The following PARD3B variants were observed in gnomAD, a reference collection of about 807,000 sequenced individuals.
The protein encoded by PARD3B is partitioning defective 3 homolog B.
A neutral mutation model predicts 130.2 loss-of-function variants in PARD3B; 103 were observed. That is an observed-to-expected ratio of 0.79 (90% CI 0.67 to 0.93). The LOEUF (loss-of-function observed/expected upper bound fraction) is 0.93. PARD3B is among the 40% of genes least tolerant of loss of function. The probability of loss-of-function intolerance (pLI) is 0.00; values close to 1 mark genes in which losing one functional copy is unlikely to be tolerated. For missense variants in PARD3B, 1,609 were observed against 1,499.2 expected (o/e 1.07, Z -1.21); for synonymous variants, 583 against 553.2 (o/e 1.05, Z -0.76).
rs1275460914 is a variant in PARD3B, at chr2:204,899,208, T to TTCCCTCCCC, written c.223-65940_223-65932dup. ...TTCTCCCTTCCCTCCCTTCCCTCCC[T>TTCCCTCCCC]TCCCTCCCCTCCTTCCCTCCTCTCC... On this transcript the variant is annotated intron_variant, in intron 2 of 22. Transcript: ENST00000406610. 1.7e-3 allele frequency among the ~76,000 whole-genome samples: 169 copies of TTCCCTCCCC among 101,346 alleles called. 1 individual carries two copies. Among genetic ancestry groups the TTCCCTCCCC allele is most frequent in the African/African-American group, 6.2e-3 (160 of 25,920 alleles). 66.5% of individuals were successfully genotyped at this position (101,346 alleles called of 152,430 possible). A position where few individuals can be genotyped will look rare whatever the true frequency, so the allele number is the denominator to read the frequency against.
In PARD3B at chr2:204,648,681, AAT is replaced by A. The variant is rs1250056290; in HGVS notation, c.121-37493_121-37492del. Among the ~76,000 whole-genome samples, 38 of 102,264 alleles carry A rather than the reference AAT, an allele frequency of 3.7e-4. 1 individual carries two copies. The highest frequency in any genetic ancestry group is 5.7e-4 in the Admixed American group (4 of 7,052). The allele number at this position is 102,264 out of a possible 152,430, so 67.1% of individuals were successfully genotyped here. A position where few individuals can be genotyped will look rare whatever the true frequency, so the allele number is the denominator to read the frequency against. ...TATTTATAATATATATCATATAAAT[AAT>A]ATATATTTATAATATATATCATATA... is the stretch of plus-strand genomic sequence containing the variant. On this transcript the variant is annotated intron_variant, in intron 1 of 22. Transcript: ENST00000406610.
At chr2:205,320,597 C>T (rs1230614045) in intron 18 of PARD3B, among the ~76,000 whole-genome samples, 4 of 152,116 alleles carry the variant, frequency 2.6e-5, no homozygotes, top group Non-Finnish European at 2.9e-5. Context: ...TAACAACTAT[C>T]AATAGAGAGG....
At chr2:205,374,250 T>TTA (rs1559714787) in intron 18 of PARD3B, among the ~76,000 whole-genome samples, 6 of 151,754 alleles carry the variant, frequency 4.0e-5, no homozygotes, top group African/African-American at 1.2e-4. Flanking sequence ...TATTATTATT[T>TTA]TTTTGAGATG....
intron 3 of PARD3B, among the ~76,000 whole-genome samples, chr2:204,986,162 G>A (rs1693133513): frequency 6.8e-6 from 1 of 147,174 alleles, no homozygotes; most frequent in South Asian, 2.2e-4. Context: ...GGACTTTCTT[G>A]GGTATGGCAG....
At position 205,460,143 on chromosome 2, in the gene PARD3B, T is replaced by C. The variant is rs2048400940; in HGVS notation, c.3044+19471T>C. Among the ~76,000 whole-genome samples the C allele has an allele frequency of 6.6e-6, 1 of 152,142 alleles. No homozygotes were observed. Among genetic ancestry groups the C allele is most frequent in the Non-Finnish European group, 1.5e-5 (1 of 68,028 alleles). ...TTTTTGAGTCTCTGCAATTTCCAAG[T>C]CTCAAAACTAATTCACTAGAAAACA... On this transcript the variant is annotated intron_variant, in intron 20 of 22. Coordinates refer to ENST00000406610, the MANE Select transcript of PARD3B (RefSeq NM_001302769.2). The surrounding 1 kb of genome is among the most constrained non-coding windows in gnomAD (Gnocchi z 4.9).
In PARD3B at chr2:205,317,152, C is replaced by A. The variant is rs117643796; in HGVS notation, c.2630+15451C>A. ...TGAATTACATAAATGATGGTTAAAC[C>A]ACTTGCAGTGTACTCAGTAAAGATA... is the stretch of plus-strand genomic sequence containing the variant. On this transcript the variant is annotated intron_variant, in intron 18 of 22. Transcript: ENST00000406610. Among the ~76,000 whole-genome samples, 166 of 152,246 alleles carry A rather than the reference C, an allele frequency of 1.1e-3. 2 individuals are homozygous for A. The East Asian group carries it at 0.026, about 24-fold the overall frequency.
chr2:205,225,340 G>T (rs545804876), intron 15 of PARD3B, among the ~76,000 whole-genome samples: 35 of 152,232 alleles, frequency 2.3e-4, no homozygotes, highest in African/African-American at 7.2e-4. Flanking sequence ...GTTTTGACTT[G>T]CATTTCTCTG....
chr2:204,930,214 C>G (rs1007149725), intron 2 of PARD3B, among the ~76,000 whole-genome samples: 2 of 148,746 alleles, frequency 1.3e-5, no homozygotes, highest in Admixed American at 1.3e-4. Context: ...TTTTTTTTTC[C>G]TTTTCATTTT....
intron 19 of PARD3B, among the ~76,000 whole-genome samples, chr2:205,427,036 A>G (rs1034028784): frequency 6.6e-6 from 1 of 152,196 alleles, no homozygotes; most frequent in Non-Finnish European, 1.5e-5. Context: ...ATCATATAAG[A>G]AGAGATAGGC....
In PARD3B at chr2:205,446,441, G is replaced by A. The variant is rs1482682510; in HGVS notation, c.3044+5769G>A. Among the ~76,000 whole-genome samples the A allele has an allele frequency of 2.0e-5, 3 of 152,152 alleles. No individual in the cohort carries two copies. The highest frequency in any genetic ancestry group is 2.9e-5 in the Non-Finnish European group (2 of 68,026). On this transcript the variant is annotated intron_variant, in intron 20 of 22. Coordinates refer to ENST00000406610, the MANE Select transcript of PARD3B (RefSeq NM_001302769.2). The surrounding 1 kb of genome is among the most constrained non-coding windows in gnomAD (Gnocchi z 4.4). ...ATTATAATATAGCCTTGCATCCTGT[G>A]ATGGTTAAATATGATTTTACATTTT...
intron 3 of PARD3B, among the ~76,000 whole-genome samples, chr2:205,037,190 A>AAT (rs1299936252): frequency 2.0e-5 from 3 of 147,204 alleles, no homozygotes; most frequent in African/African-American, 2.5e-5. Flanking sequence ...ATATAAAACA[A>AAT]ATATATATAT....
At chr2:205,129,685 C>A (rs2125642817) in intron 10 of PARD3B, among the ~76,000 whole-genome samples, 1 of 152,320 alleles carries the variant, frequency 6.6e-6, no homozygotes, top group South Asian at 2.1e-4. Context: ...TCTGTACCTT[C>A]TTAACAGCAC....
chr2:205,076,456 T>G (rs1701070523), intron 4 of PARD3B, among the ~76,000 whole-genome samples: 3 of 152,184 alleles, frequency 2.0e-5, no homozygotes, highest in Non-Finnish European at 4.4e-5. Flanking sequence ...ATACTTCAGG[T>G]TCAATGTATA....
chr2:204,706,257 C>T (rs760183212), intron 2 of PARD3B, among the ~76,000 whole-genome samples: 17 of 151,692 alleles, frequency 1.1e-4, no homozygotes, highest in Non-Finnish European at 2.2e-4. Flanking sequence ...GTCCCAGCCA[C>T]TCGGGAGGCT....
chr2:205,089,641 C>A (rs1406500804), intron 4 of PARD3B, among the ~76,000 whole-genome samples: 1 of 152,122 alleles, frequency 6.6e-6, no homozygotes. Flanking sequence ...TCTGTTTTTC[C>A]TTTCTGGTGA....
At chr2:204,585,651 A>G (rs2032785701) in intron 1 of PARD3B, among the ~76,000 whole-genome samples, 1 of 152,012 alleles carries the variant, frequency 6.6e-6, no homozygotes, top group Admixed American at 6.6e-5. Context: ...TCTAATGGGC[A>G]GATAATTTCT....
Position 205,241,455 on chromosome 2 carries a change from C to A in PARD3B, c.2141-4323C>A, listed in dbSNP as rs2039348421. On this transcript the variant is annotated intron_variant, in intron 15 of 22. Transcript: ENST00000406610. This position sits in a 1 kb window ranked among gnomAD's most constrained non-coding sequence, Gnocchi z 4.2. ...TGAATTGCAGCTTCAGAAACCTGAGCATTTCATTGGTATCTCTTCAATTAT... is the reference window on the plus strand; with the variant it reads ...TGAATTGCAGCTTCAGAAACCTGAGAATTTCATTGGTATCTCTTCAATTAT... 6.6e-6 allele frequency among the ~76,000 whole-genome samples: 1 copy of A among 152,146 alleles called. No homozygotes were observed. Among genetic ancestry groups the A allele is most frequent in the Non-Finnish European group, 1.5e-5 (1 of 68,006 alleles).
chr2:205,386,493 C>T (rs573040777), intron 18 of PARD3B, among the ~76,000 whole-genome samples: 1 of 152,184 alleles, frequency 6.6e-6, no homozygotes, highest in African/African-American at 2.4e-5. Context: ...TGTCAGTGAA[C>T]AGAGAGCTTA....
chr2:205,380,115 C>T (rs1438566811), intron 18 of PARD3B, among the ~76,000 whole-genome samples: 31 of 68,726 alleles, frequency 4.5e-4, no homozygotes, highest in African/African-American at 1.0e-3. Flanking sequence ...ATATATTATA[C>T]ATAATATATT....
Sources: allele counts gnomAD v4.1 joint callset (sites outside exome capture counted in the v4.1 genomes callset), GRCh38; gene constraint gnomAD v4.1.1; non-coding constraint Gnocchi (gnomAD v3.1); transcripts MANE v1.5; gene names NCBI Gene and HGNC (gene_info 2026-07-23, HGNC 2026-07-21).